PITPNM2: variants seen among roughly 807,000 people sequenced by gnomAD.
PITPNM2 encodes membrane-associated phosphatidylinositol transfer protein 2.
In PITPNM2, 35 loss-of-function variants were observed where a neutral mutation model predicts 132.2. The observed-to-expected ratio is 0.26, with a 90% confidence interval of 0.20 to 0.35. PITPNM2 has a LOEUF of 0.35. Among genes scored for constraint, PITPNM2 ranks in the 10% least tolerant of loss-of-function variants. The pLI is 1.00. For missense variants in PITPNM2, 1,332 were observed against 1,912.0 expected, an observed-to-expected ratio of 0.70 and a Z score of 5.66; for synonymous variants, 738 against 799.2, an observed-to-expected ratio of 0.92 and a Z score of 1.29.
chr12:123,030,846 G>A (rs1187285352), intron 3 of PITPNM2, among the ~76,000 whole-genome samples: 1 of 152,148 alleles, frequency 6.6e-6, no homozygotes, highest in Non-Finnish European at 1.5e-5. Context: ...CTATGACATG[G>A]ATGAATCCCA....
rs1427496516 is a variant in PITPNM2 at position 123,126,625 on chromosome 12, A to C, written c.-199-16137T>G. ...GGATGACTTAGGAAGTATGGCCAGCATGATGGGTTCAGCCTGTGGGACAGC... is the reference window on the plus strand; with the variant it reads ...GGATGACTTAGGAAGTATGGCCAGCCTGATGGGTTCAGCCTGTGGGACAGC... On this transcript the variant is annotated intron_variant, in intron 1 of 25. Transcript: ENST00000320201. 2.6e-5 allele frequency among the ~76,000 whole-genome samples: 4 copies of C among 152,350 alleles called. No individual in the cohort carries two copies. The East Asian group carries it at 7.7e-4, about 29-fold the overall frequency.
At chr12:123,059,661 T>G (rs746179409) in intron 2 of PITPNM2, among the ~76,000 whole-genome samples, 66 of 152,100 alleles carry the variant, frequency 4.3e-4, no homozygotes, top group Non-Finnish European at 7.5e-4. Context: ...GAGCAGGAAA[T>G]AAATGGTGAG....
chr12:123,106,485 A>G lies in PITPNM2; in HGVS notation c.-96+3900T>C, dbSNP rs2042714103. ...GCATCAGAGCAAACAAGGCAAATGC[A>G]GGGGTCAGTCCCCAGAGCTCCGGGG... On this transcript the variant is annotated intron_variant, in intron 2 of 25. Transcript: ENST00000320201. The surrounding 1 kb of genome is among the most constrained non-coding windows in gnomAD (Gnocchi z 4.4). Among the ~76,000 whole-genome samples the G allele has an allele frequency of 6.6e-6, 1 of 152,204 alleles. No individual in the cohort carries two copies. The highest frequency in any genetic ancestry group is 1.9e-4 in the East Asian group (1 of 5,204).
chr12:123,048,405 T>A (rs971598261), intron 2 of PITPNM2, among the ~76,000 whole-genome samples: 5 of 151,728 alleles, frequency 3.3e-5, no homozygotes, highest in African/African-American at 9.7e-5. Context: ...TTAGTGTTTT[T>A]TTTTTGTTTT....
intron 2 of PITPNM2, among the ~76,000 whole-genome samples, chr12:123,061,218 T>G (rs990767245): frequency 6.6e-6 from 1 of 152,172 alleles, no homozygotes; most frequent in African/African-American, 2.4e-5. Flanking sequence ...CTGGGAAACT[T>G]TCTGACCCCT....
At chr12:123,066,586 T>C (rs955614393) in intron 2 of PITPNM2, among the ~76,000 whole-genome samples, 6 of 152,266 alleles carry the variant, frequency 3.9e-5, no homozygotes, top group Admixed American at 6.5e-5. Context: ...CTCTCTGCAA[T>C]GCCCATCCTG....
rs2041364754 is a variant in PITPNM2 at position 123,064,928 on chromosome 12, G to A, written c.-95-30243C>T. Among the ~76,000 whole-genome samples, 2 of 152,226 alleles carry A rather than the reference G, an allele frequency of 1.3e-5. No individual in the cohort carries two copies. Among genetic ancestry groups the A allele is most frequent in the Admixed American group, 6.5e-5 (1 of 15,294 alleles). On this transcript the variant is annotated intron_variant, in intron 2 of 25. Transcript: ENST00000320201. The surrounding 1 kb of genome is among the most constrained non-coding windows in gnomAD (Gnocchi z 4.0). The stretch of plus-strand genomic sequence containing the variant: ...ACCACCACCCACCTTGGAGGGTTGA[G>A]TGGGATTAAATGAGGTGACAGTGAG...
intron 3 of PITPNM2, among the ~76,000 whole-genome samples, chr12:123,024,667 A>G (rs2039790576): frequency 6.6e-6 from 1 of 152,248 alleles, no homozygotes; most frequent in Non-Finnish European, 1.5e-5. Context: ...AAGAAGCCAG[A>G]CACAAAAGGA....
chr12:123,114,540 CT>C (rs1365368824), intron 1 of PITPNM2, among the ~76,000 whole-genome samples: 1 of 151,010 alleles, frequency 6.6e-6, no homozygotes, highest in Non-Finnish European at 1.5e-5. Flanking sequence ...AGTGCCATTT[CT>C]CCCCTTTGTC....
chr12:122,988,209 G>A (rs909817551), intron 20 of PITPNM2, 25 bp downstream of exon 20: 6 of 1,590,928 alleles, frequency 3.8e-6, no homozygotes, highest in Non-Finnish European at 5.2e-6. Context: ...CATCGTGGGG[G>A]CCTGGGCGCC....
chr12:122,994,343 C>T lies in PITPNM2; in HGVS notation c.2233+458G>A, dbSNP rs1010410664. On this transcript the variant is annotated intron_variant, in intron 15 of 25. Transcript: ENST00000320201. The surrounding 1 kb of genome is among the most constrained non-coding windows in gnomAD (Gnocchi z 5.4). Reference sequence around the variant, plus strand: ...AGGGCAGGGACTGCTGCTCCAATGACGCCCAGCCGCTGGCCTGCCTGCCCT... The same window carrying T: ...AGGGCAGGGACTGCTGCTCCAATGATGCCCAGCCGCTGGCCTGCCTGCCCT... 1.3e-5 allele frequency among the ~76,000 whole-genome samples: 2 copies of T among 152,196 alleles called. No individual in the cohort carries two copies. The highest frequency in any genetic ancestry group is 6.5e-5 in the Admixed American group (1 of 15,290).
chr12:123,031,808 G>C lies in PITPNM2; in HGVS notation c.78+2705C>G, dbSNP rs941833748. Among the ~76,000 whole-genome samples, 3 of 152,194 alleles carry C rather than the reference G, an allele frequency of 2.0e-5. No individual in the cohort carries two copies. The highest frequency in any genetic ancestry group is 2.9e-5 in the Non-Finnish European group (2 of 68,052). The stretch of plus-strand genomic sequence containing the variant: ...TTCTTTCACCTTTCTTTTTTAACAG[G>C]AAAGCAGACGTGTGCACACATGCTT... On this transcript the variant is annotated intron_variant, in intron 3 of 25. Transcript: ENST00000320201. The surrounding 1 kb of genome is among the most constrained non-coding windows in gnomAD (Gnocchi z 4.5).
At chr12:123,061,103 T>TC (rs2041221462) in intron 2 of PITPNM2, among the ~76,000 whole-genome samples, 1 of 152,086 alleles carries the variant, frequency 6.6e-6, no homozygotes, top group Admixed American at 6.6e-5. Flanking sequence ...CATCCATCCA[T>TC]CATCTACATA....
intron 1 of PITPNM2, among the ~76,000 whole-genome samples, chr12:123,146,284 T>C (rs923768657): frequency 6.6e-6 from 1 of 152,100 alleles, no homozygotes; most frequent in Non-Finnish European, 1.5e-5. Context: ...AACAAACCTG[T>C]GCTTGTACCC....
chr12:123,097,225 TAG>T lies in PITPNM2; in HGVS notation c.-96+13158_-96+13159del, dbSNP rs1318972293. ...GCCCAGCTAATTTTTGTACTTTTAG[TAG>T]AGACGGGGTTTTGCCATGTTGGCCA... On this transcript the variant is annotated intron_variant, in intron 2 of 25. Coordinates refer to ENST00000320201, the MANE Select transcript of PITPNM2 (RefSeq NM_020845.3). The surrounding 1 kb of genome is among the most constrained non-coding windows in gnomAD (Gnocchi z 4.7). Among the ~76,000 whole-genome samples the T allele has an allele frequency of 6.6e-6, 1 of 152,122 alleles. No homozygotes were observed. The highest frequency in any genetic ancestry group is 6.6e-5 in the Admixed American group (1 of 15,266).
chr12:123,054,202 A>T (rs2040949452), intron 2 of PITPNM2, among the ~76,000 whole-genome samples: 1 of 151,716 alleles, frequency 6.6e-6, no homozygotes, highest in South Asian at 2.1e-4. Context: ...GCAGCCTCAC[A>T]CTCTTGGGCT....
chr12:123,116,647 CA>C (rs5801499), intron 1 of PITPNM2, among the ~76,000 whole-genome samples: 94,267 of 108,016 alleles, frequency 0.87, 41,009 homozygotes, highest in East Asian at 0.96. Context: ...GACCTTGTTT[CA>C]AAAAAAAAAA....
intron 10 of PITPNM2, among the ~76,000 whole-genome samples, chr12:122,998,870 T>C (rs1436545332): frequency 6.6e-6 from 1 of 151,974 alleles, no homozygotes; most frequent in Non-Finnish European, 1.5e-5. Context: ...CCCAGCACTT[T>C]GGGAGGCCGA....
chr12:123,063,095 G>A (rs889585168), intron 2 of PITPNM2, among the ~76,000 whole-genome samples: 2 of 152,262 alleles, frequency 1.3e-5, no homozygotes, highest in African/African-American at 2.4e-5. Flanking sequence ...CTCTGCTGAC[G>A]GAACCTGTGT....
Sources: gnomAD v4.1 joint callset for allele counts (sites outside exome capture counted in the v4.1 genomes callset) on GRCh38, gnomAD v4.1.1 for gene constraint, Gnocchi (gnomAD v3.1) non-coding constraint, MANE v1.5 for transcripts, NCBI Gene and HGNC (gene_info 2026-07-23, HGNC 2026-07-21) for gene names.